The following ITIH5 variants were observed in gnomAD, a reference collection of about 807,000 sequenced individuals.
ITIH5 encodes the protein inter-alpha-trypsin inhibitor heavy chain H5.
ITIH5 carries 65 observed loss-of-function variants against 77.5 expected under a neutral mutation model. The observed-to-expected ratio is 0.84, with a 90% CI of 0.69 to 1.03. The LOEUF (loss-of-function observed/expected upper bound fraction) is 1.03, where lower values mean the gene tolerates loss of function less well. Ranked by LOEUF, ITIH5 falls within the 50% of genes least tolerant of loss-of-function variation. ITIH5 has a pLI of 0.00. For missense variants in ITIH5, 1,208 were observed against 1,213.1 expected, an observed-to-expected ratio of 1.00 and a Z score of 0.06; for synonymous variants, 525 against 494.3, an observed-to-expected ratio of 1.06 and a Z score of -0.82.
At chr10:7,577,068 A>G in intron 9 of ITIH5, 56 bp from the exon 10 acceptor site, 1 of 1,480,534 alleles carries the variant, frequency 6.8e-7, no homozygotes, top group South Asian at 1.3e-5. Context: ...GACAGCAGGC[A>G]GGACAGTCCT....
chr10:7,663,370 A>C (rs1834309862), intron 1 of ITIH5, among the ~76,000 whole-genome samples: 1 of 152,254 alleles, frequency 6.6e-6, no homozygotes, highest in Non-Finnish European at 1.5e-5. Flanking sequence ...CTTTGCCTGA[A>C]TTAACTCATT....
At chr10:7,623,529 C>T (rs550432441) in intron 5 of ITIH5, among the ~76,000 whole-genome samples, 1 of 152,142 alleles carries the variant, frequency 6.6e-6, no homozygotes, top group Admixed American at 6.5e-5. Context: ...TAAGGCCGGG[C>T]GTGGTGGCTC....
At chr10:7,578,009 C>T (rs967004318) in intron 9 of ITIH5, among the ~76,000 whole-genome samples, 1 of 152,196 alleles carries the variant, frequency 6.6e-6, no homozygotes, top group African/African-American at 2.4e-5. Context: ...AGATGTGCAA[C>T]TTCTCAATAT....
intron 1 of ITIH5, among the ~76,000 whole-genome samples, chr10:7,659,002 C>T (rs1367628383): frequency 6.6e-6 from 1 of 152,154 alleles, no homozygotes. Context: ...GAAGTCCATT[C>T]AGTTGGTTGG....
Position 7,644,755 on chromosome 10 carries a change from A to G in ITIH5, c.136-2665T>C, listed in dbSNP as rs930061774. ...TATCTATATCACATATATATCACAT[A>G]TATCACATATATATCATATATATCA... On this transcript the variant is annotated intron_variant, in intron 2 of 13. Coordinates refer to ENST00000397146, the MANE Select transcript of ITIH5 (RefSeq NM_030569.7). Among the ~76,000 whole-genome samples, 418 of 141,396 alleles carry G rather than the reference A, an allele frequency of 3.0e-3. 14 individuals carry two copies. The highest frequency in any genetic ancestry group is 0.01 in the African/African-American group (380 of 37,362). The allele number at this position is 141,396 out of a possible 152,430, so 92.8% of individuals were successfully genotyped here.
At chr10:7,629,326 T>A (rs1266839919) in intron 5 of ITIH5, among the ~76,000 whole-genome samples, 7 of 125,278 alleles carry the variant, frequency 5.6e-5, no homozygotes, top group African/African-American at 2.6e-4. Flanking sequence ...TGTGCCCATG[T>A]TGTAGCGTGT....
intron 10 of ITIH5, among the ~76,000 whole-genome samples, chr10:7,574,940 A>C (rs1186388411): frequency 1.3e-5 from 2 of 152,178 alleles, no homozygotes; most frequent in South Asian, 4.1e-4. Flanking sequence ...ATGACCTAGC[A>C]TCAAGATCTT....
intron 1 of ITIH5, among the ~76,000 whole-genome samples, chr10:7,665,900 G>C (rs1834354141): frequency 6.6e-6 from 1 of 152,174 alleles, no homozygotes; most frequent in African/African-American, 2.4e-5. Context: ...ACAGGACAGA[G>C]AACATGAAGA....
chr10:7,655,643 C>G lies in ITIH5; in HGVS notation c.123G>C (p.Leu41=). 6.2e-7 allele frequency: 1 copy of G among 1,612,650 alleles called. No individual in the cohort carries two copies. The highest frequency in any genetic ancestry group is 2.2e-5 in the East Asian group (1 of 44,868). Reference sequence around the variant, plus strand: ...TGAATATACCTACCAGCCTCTGCAACAGTCTGACTTGCCTCGGGACCCTGA... The same window carrying G: ...TGAATATACCTACCAGCCTCTGCAAGAGTCTGACTTGCCTCGGGACCCTGA... ...DGLRVPRQVR[L]LQRLKTKPLM... is the part of the protein sequence containing the mutation. The change falls in exon 2 of 14, where the codon CTG becomes CTC. Residue 41 remains leucine, a synonymous_variant. Coordinates refer to ENST00000397146, the MANE Select transcript of ITIH5 (RefSeq NM_030569.7).
Position 7,566,236 on chromosome 10 carries a change from G to A in ITIH5, c.2321C>T (p.Pro774Leu). The change falls in exon 13 of 14, where the codon CCC (proline) becomes CTC (leucine). Residue 774 changes from proline (P) to leucine (L), a missense_variant. Physicochemically the swap from Pro to Leu is moderately conservative, Grantham distance 98 (BLOSUM62 -3). Coordinates refer to ENST00000397146, the MANE Select transcript of ITIH5 (RefSeq NM_030569.7). ...ILDGGDRLVL[P>L]CNQSVVVGSW... ...CCCCACCACCACACTCTGGTTGCAG[G>A]GGAGCACCAGTCTGTCCCCACCATC... 6.2e-7 allele frequency: 1 copy of A among 1,613,554 alleles called. No individual in the cohort carries two copies. Among genetic ancestry groups the A allele is most frequent in the Non-Finnish European group, 8.5e-7 (1 of 1,179,750 alleles).
At chr10:7,641,481 C>T (rs965705043) in intron 3 of ITIH5, among the ~76,000 whole-genome samples, 2 of 151,030 alleles carry the variant, frequency 1.3e-5, no homozygotes, top group Admixed American at 6.6e-5. Context: ...GAGAAGTGCA[C>T]CAGTTTTCAT....
At chr10:7,621,055 A>G (rs1431731256) in intron 5 of ITIH5, 1 of 152,142 alleles carries the variant, frequency 6.6e-6, no homozygotes, top group Non-Finnish European at 1.5e-5. Context: ...GGACTCCGCC[A>G]TTTGTGTTTT....
chr10:7,652,432 T>A (rs922634047), intron 2 of ITIH5, among the ~76,000 whole-genome samples: 8 of 151,950 alleles, frequency 5.3e-5, no homozygotes, highest in African/African-American at 1.9e-4. Context: ...ATCCCACGGG[T>A]GATGTGGAGT....
chr10:7,619,574 G>C (rs1588404835), intron 5 of ITIH5: 4 of 384,514 alleles, frequency 1.0e-5, no homozygotes. Flanking sequence ...AGGTTTAATT[G>C]ACTCACAGTT....
Position 7,585,993 on chromosome 10 carries a change from C to A in ITIH5, c.1016G>T (p.Arg339Leu). 1 of 1,613,984 alleles carries A rather than the reference C, an allele frequency of 6.2e-7. No homozygotes were observed. Among genetic ancestry groups the A allele is most frequent in the South Asian group, 1.1e-5 (1 of 91,082 alleles). Residue 339 changes from arginine (R) to leucine (L), a missense_variant, in exon 8 of 14, where the codon CGG (arginine) becomes CTG (leucine). Transcript: ENST00000397146. ...CAAGTGGTCCTTCCATACTTTGATCCGGTTGGAAAATCCAATGATACTGAA... is the reference window on the plus strand; with the variant it reads ...CAAGTGGTCCTTCCATACTTTGATCAGGTTGGAAAATCCAATGATACTGAA... ...DRFSIIGFSN[R>L]IKVWKDHLIS...
chr10:7,638,808 A>T (rs982776), intron 4 of ITIH5, among the ~76,000 whole-genome samples: 110,209 of 152,158 alleles, frequency 0.72, 40,715 homozygotes, highest in African/African-American at 0.87. Context: ...CATGTTTTAA[A>T]AGCTCTGAAA....
At chr10:7,662,183 C>G (rs1038212918) in intron 1 of ITIH5, among the ~76,000 whole-genome samples, 2 of 152,084 alleles carry the variant, frequency 1.3e-5, no homozygotes, top group Non-Finnish European at 2.9e-5. Flanking sequence ...CACGGTAAAG[C>G]CCCGTCTCTA....
At chr10:7,634,458 C>T (rs900184293) in intron 5 of ITIH5, among the ~76,000 whole-genome samples, 6 of 152,176 alleles carry the variant, frequency 3.9e-5, no homozygotes, top group Non-Finnish European at 8.8e-5. Context: ...CTTGTAAAAG[C>T]TTCATGTTCT....
chr10:7,654,128 G>T (rs1449975198), intron 2 of ITIH5, among the ~76,000 whole-genome samples: 1 of 152,204 alleles, frequency 6.6e-6, no homozygotes, highest in Non-Finnish European at 1.5e-5. Flanking sequence ...CTGCACTCCA[G>T]CCTGAGCAAC....
Sources: allele counts gnomAD v4.1 joint callset (sites outside exome capture counted in the v4.1 genomes callset), GRCh38; gene constraint gnomAD v4.1.1; transcripts MANE v1.5; gene names NCBI Gene and HGNC (gene_info 2026-07-23, HGNC 2026-07-21).